DLGAP1: variants seen among roughly 807,000 people sequenced by gnomAD.
The protein encoded by DLGAP1 is DLG associated protein 1.
DLGAP1 carries 11 observed loss-of-function variants against 90.8 expected under a neutral mutation model. That is an observed-to-expected ratio of 0.12 (90% confidence interval 0.08 to 0.20). DLGAP1 has a LOEUF of 0.20. Ranked by LOEUF, DLGAP1 falls within the 10% of genes least tolerant of loss-of-function variation. DLGAP1 has a pLI of 1.00. For synonymous variants in DLGAP1, 558 were observed against 540.7 expected, an observed-to-expected ratio of 1.03 and a Z score of -0.44; for missense variants, 1,050 against 1,333.8, an observed-to-expected ratio of 0.79 and a Z score of 3.31.
intron 9 of DLGAP1, among the ~76,000 whole-genome samples, chr18:3,547,375 G>A (rs1438119295): frequency 2.1e-5 from 3 of 144,534 alleles, no homozygotes; most frequent in African/African-American, 7.8e-5. Context: ...CTAGTATCCA[G>A]AATGTATAAA....
At chr18:4,399,219 A>T (rs2082501841) in intron 1 of DLGAP1, among the ~76,000 whole-genome samples, 1 of 152,250 alleles carries the variant, frequency 6.6e-6, no homozygotes, top group South Asian at 2.1e-4. Context: ...TTAAAAAGAA[A>T]GGATTTACTT....
chr18:4,426,202 T>G (rs2083148707), intron 1 of DLGAP1, among the ~76,000 whole-genome samples: 2 of 152,204 alleles, frequency 1.3e-5, no homozygotes, highest in Admixed American at 6.5e-5. Flanking sequence ...GATCCTTTCT[T>G]GTAGCCCTGC....
chr18:3,768,418 C>G (rs2064355990), intron 5 of DLGAP1, among the ~76,000 whole-genome samples: 1 of 152,010 alleles, frequency 6.6e-6, no homozygotes, highest in Admixed American at 6.6e-5. Context: ...ATCAAAATCT[C>G]ATAAAGATTT....
At chr18:4,318,323 CA>C (rs2080585838) in intron 1 of DLGAP1, among the ~76,000 whole-genome samples, 1 of 152,102 alleles carries the variant, frequency 6.6e-6, no homozygotes, top group South Asian at 2.1e-4. Context: ...CTTGACACGG[CA>C]AAATTTACAA....
At chr18:3,859,194 A>C (rs2069869510) in intron 4 of DLGAP1, among the ~76,000 whole-genome samples, 1 of 152,230 alleles carries the variant, frequency 6.6e-6, no homozygotes, top group African/African-American at 2.4e-5. Flanking sequence ...CTTTTAAAAT[A>C]ATCTAAAAAA....
chr18:3,822,582 T>A (rs2067481603), intron 4 of DLGAP1, among the ~76,000 whole-genome samples: 3 of 152,218 alleles, frequency 2.0e-5, no homozygotes, highest in Non-Finnish European at 4.4e-5. Flanking sequence ...TACCTCTGAA[T>A]TTCCTACTGG....
intron 7 of DLGAP1, among the ~76,000 whole-genome samples, chr18:3,728,869 C>T (rs2147454288): frequency 6.6e-6 from 1 of 152,252 alleles, no homozygotes; most frequent in Middle Eastern, 3.4e-3. Flanking sequence ...AAGTCCCTCC[C>T]CTCTGGGCTG....
chr18:3,594,506 G>C (rs895642669), intron 7 of DLGAP1: 1 of 152,148 alleles, frequency 6.6e-6, no homozygotes, highest in African/African-American at 2.4e-5. Context: ...TTTGGAAGGG[G>C]TGGAGGTCTT....
intron 5 of DLGAP1, among the ~76,000 whole-genome samples, chr18:3,764,198 C>T (rs1004367675): frequency 7.2e-5 from 11 of 152,112 alleles, no homozygotes; most frequent in South Asian, 2.1e-4. Flanking sequence ...AAGCTGAAGC[C>T]GACAAGTTTG....
intron 4 of DLGAP1, among the ~76,000 whole-genome samples, chr18:3,850,502 C>A (rs1277235176): frequency 1.3e-5 from 2 of 152,032 alleles, no homozygotes; most frequent in African/African-American, 4.8e-5. Context: ...GAGGACACAC[C>A]TAAAAATATT....
intron 1 of DLGAP1, among the ~76,000 whole-genome samples, chr18:4,247,726 C>T (rs903865021): frequency 1.3e-5 from 2 of 151,820 alleles, no homozygotes; most frequent in Non-Finnish European, 2.9e-5. Flanking sequence ...GCAGTGAGCC[C>T]ATATCGCACC....
chr18:3,948,360 C>A (rs1406187911), intron 3 of DLGAP1, among the ~76,000 whole-genome samples: 6 of 152,132 alleles, frequency 3.9e-5, no homozygotes, highest in Admixed American at 3.9e-4. Context: ...CTGGATCCCC[C>A]TTCCTTTTTC....
Position 3,582,140 on chromosome 18 carries a change from T to C in DLGAP1, c.1700A>G (p.Gln567Arg). 2.5e-6 allele frequency: 4 copies of C among 1,614,096 alleles called. No homozygotes were observed. Among genetic ancestry groups the C allele is most frequent in the Non-Finnish European group, 3.4e-6 (4 of 1,180,034 alleles). ...GCCCTGTCCGTCCATGTAGGCATCCTGGGCTGACTCTGTGCTACTCTGGGC... is the reference window on the plus strand; with the variant it reads ...GCCCTGTCCGTCCATGTAGGCATCCCGGGCTGACTCTGTGCTACTCTGGGC... ...ITAQSSTESA[Q>R]DAYMDGQGQR... The change falls in exon 8 of 13, where the codon CAG becomes CGG. Residue 567 changes from glutamine (Q) to arginine (R), a missense_variant. Physicochemically the swap from Gln to Arg is conservative, Grantham distance 43. This residue lies in a region of DLGAP1 where 565 missense variants were observed against 879.7 expected (regional missense o/e 0.64). Transcript: ENST00000315677.
intron 1 of DLGAP1, among the ~76,000 whole-genome samples, chr18:4,350,529 G>A (rs2081384128): frequency 6.6e-6 from 1 of 152,088 alleles, no homozygotes. Flanking sequence ...AAATTAGCCA[G>A]TGAGAATATG....
chr18:4,414,312 A>G (rs1201416497), intron 1 of DLGAP1, among the ~76,000 whole-genome samples: 1 of 152,204 alleles, frequency 6.6e-6, no homozygotes, highest in African/African-American at 2.4e-5. Flanking sequence ...TTTACACATA[A>G]CAATCAATAA....
At chr18:4,071,689 T>C (rs1010563038) in intron 2 of DLGAP1, among the ~76,000 whole-genome samples, 1 of 152,216 alleles carries the variant, frequency 6.6e-6, no homozygotes, top group African/African-American at 2.4e-5. Context: ...GCAAGAAAAG[T>C]TTGTCTCTGA....
intron 2 of DLGAP1, among the ~76,000 whole-genome samples, chr18:4,125,674 A>G (rs999581149): frequency 1.3e-5 from 2 of 152,194 alleles, no homozygotes; most frequent in African/African-American, 4.8e-5. Flanking sequence ...AAACAAATCC[A>G]GGAAGGTGTG....
At chr18:4,171,630 T>G (rs1452712053) in intron 1 of DLGAP1, among the ~76,000 whole-genome samples, 2 of 151,890 alleles carry the variant, frequency 1.3e-5, no homozygotes, top group Non-Finnish European at 2.9e-5. Context: ...AAAAGCCCAC[T>G]CAGCAGTTGA....
rs139587983 is a variant in DLGAP1 at position 4,265,537 on chromosome 18, T to TTCCC, written c.-266-114254_-266-114251dup. Among the ~76,000 whole-genome samples the TTCCC allele has an allele frequency of 8.5e-3, 914 of 106,954 alleles. 58 individuals carry two copies. The highest frequency in any genetic ancestry group is 0.041 in the African/African-American group (852 of 20,836). 70.2% of individuals were successfully genotyped at this position (106,954 alleles called of 152,430 possible). On this transcript the variant is annotated intron_variant, in intron 1 of 12. Transcript: ENST00000315677. ...TCTTTTTCTTTCTTTCCTTCCTTCC[T>TTCCC]TCCCTCCCCTTCCTTCCTTCCTTCC...
Sources: allele counts gnomAD v4.1 joint callset (sites outside exome capture counted in the v4.1 genomes callset), GRCh38; gene constraint gnomAD v4.1.1; regional missense constraint gnomAD v4.1.1; transcripts MANE v1.5; gene names NCBI Gene and HGNC (gene_info 2026-07-23, HGNC 2026-07-21).